The following ROS1 variants were observed in gnomAD, a reference collection of about 807,000 sequenced individuals.
ROS1 encodes the protein ROS proto-oncogene 1, receptor tyrosine kinase, also known as proto-oncogene tyrosine-protein kinase ROS.
Under a neutral mutation model 273.5 loss-of-function variants are expected in ROS1, and 263 were observed. That is an observed-to-expected ratio of 0.96 (90% CI 0.87 to 1.06). The LOEUF is 1.06. Ranked by LOEUF, ROS1 falls within the 50% of genes least tolerant of loss-of-function variation. The probability of loss-of-function intolerance (pLI) is 0.00; values close to 1 mark genes in which losing one functional copy is unlikely to be tolerated. For missense variants in ROS1, 2,833 were observed against 2,751.1 expected, an observed-to-expected ratio of 1.03 and a Z score of -0.67; for synonymous variants, 1,008 against 954.1, an observed-to-expected ratio of 1.06 and a Z score of -1.04.
chr6:117,298,081 C>T, intron 43 of ROS1, among the ~76,000 whole-genome samples: 1 of 152,066 alleles, frequency 6.6e-6, no homozygotes, highest in Admixed American at 6.5e-5. Flanking sequence ...ATGGATGAAA[C>T]TGGAGGCAAT....
intron 12 of ROS1, among the ~76,000 whole-genome samples, chr6:117,392,299 C>A (rs1177494631): frequency 6.6e-6 from 1 of 151,350 alleles, no homozygotes; most frequent in Non-Finnish European, 1.5e-5. Flanking sequence ...CTATAATGAA[C>A]AATCTTTTTT....
intron 18 of ROS1, among the ~76,000 whole-genome samples, chr6:117,377,017 T>G (rs1562335161): frequency 6.6e-6 from 1 of 152,184 alleles, no homozygotes; most frequent in Non-Finnish European, 1.5e-5. Context: ...TTTACAGTTA[T>G]CAAGACAATG....
intron 3 of ROS1, among the ~76,000 whole-genome samples, chr6:117,414,830 A>G (rs1465170189): frequency 1.3e-5 from 2 of 152,222 alleles, no homozygotes; most frequent in Non-Finnish European, 2.9e-5. Flanking sequence ...GGACCAAGTT[A>G]AGAGAGTGAA....
chr6:117,298,694 G>A (rs930429129), intron 43 of ROS1, among the ~76,000 whole-genome samples: 2 of 152,166 alleles, frequency 1.3e-5, no homozygotes, highest in Admixed American at 6.5e-5. Context: ...ACCAGTTAAA[G>A]CTAGTTTACT....
At chr6:117,297,147 G>T (rs1774306704) in intron 43 of ROS1, among the ~76,000 whole-genome samples, 1 of 152,144 alleles carries the variant, frequency 6.6e-6, no homozygotes, top group Admixed American at 6.5e-5. Flanking sequence ...AATAAATGGT[G>T]CTGGGGAAAT....
chr6:117,398,540 A>T lies in ROS1; in HGVS notation c.605-1424T>A, dbSNP rs532545272. ...CTAAAATTACAAAAATTAGCCAGGC[A>T]TGGTGGCGCATGCCTGTAATCCCAG... is the stretch of plus-strand genomic sequence containing the variant. On this transcript the variant is annotated intron_variant, in intron 7 of 43. Transcript: ENST00000368507. 2.0e-5 allele frequency among the ~76,000 whole-genome samples: 3 copies of T among 152,240 alleles called. No homozygotes were observed. In the East Asian group the frequency reaches 5.8e-4, roughly 29 times the overall value.
At chr6:117,322,181 T>C (rs975197855) in intron 35 of ROS1, among the ~76,000 whole-genome samples, 2 of 152,136 alleles carry the variant, frequency 1.3e-5, no homozygotes, top group African/African-American at 4.8e-5. Flanking sequence ...AGTTAGAGTT[T>C]TATTCACATG....
intron 27 of ROS1, 49 bp downstream of exon 27, chr6:117,352,941 C>G (rs762647177): frequency 1.3e-6 from 2 of 1,554,388 alleles, no homozygotes; most frequent in Non-Finnish European, 1.8e-6. Context: ...TGAGATTTTT[C>G]TGACCCTAAA....
chr6:117,317,277 A>G lies in ROS1; in HGVS notation c.5988-5T>C, dbSNP rs763188233. On this transcript the variant is annotated splice_region_variant and splice_polypyrimidine_tract_variant and intron_variant, in intron 38 of 43. Transcript: ENST00000368507. ...ATGTTGGGATGATTAAATTTGCTGA[A>G]AGGTGGAAAGACACAGGCTGGATGA... 1.2e-6 allele frequency: 2 copies of G among 1,610,522 alleles called. No individual in the cohort carries two copies. Among genetic ancestry groups the G allele is most frequent in the Admixed American group, 3.4e-5 (2 of 59,508 alleles).
chr6:117,331,403 G>A (rs373555990), intron 32 of ROS1, among the ~76,000 whole-genome samples: 14 of 152,136 alleles, frequency 9.2e-5, no homozygotes, highest in South Asian at 2.1e-4. Context: ...ATGGAAACAC[G>A]TGGGAAAACA....
In ROS1 at chr6:117,366,290, G is replaced by A; in HGVS notation, c.2583C>T (p.Ser861=). Reference sequence around the variant, plus strand: ...ATTCTGTGATGGTGGTATCCCCAGTGCTGCTAAAACATAACACCAATTAGT... The same window carrying A: ...ATTCTGTGATGGTGGTATCCCCAGTACTGCTAAAACATAACACCAATTAGT... ...HLYTAVLRGQ[S]TGDTTITEFA... Residue 861 remains serine, a splice_region_variant and synonymous_variant, in exon 19 of 44, where the codon AGC becomes AGT. Coordinates refer to ENST00000368507, the MANE Select transcript of ROS1 (RefSeq NM_001378902.1). 6.2e-7 allele frequency: 1 copy of A among 1,612,816 alleles called. No homozygotes were observed. Among genetic ancestry groups the A allele is most frequent in the Non-Finnish European group, 8.5e-7 (1 of 1,178,948 alleles).
chr6:117,304,032 G>C (rs1774927385), intron 42 of ROS1, among the ~76,000 whole-genome samples: 4 of 152,082 alleles, frequency 2.6e-5, no homozygotes. Flanking sequence ...ATGGTATCAA[G>C]GAAAACCAAT....
At chr6:117,349,160 T>A (rs1251424098) in intron 27 of ROS1, among the ~76,000 whole-genome samples, 1 of 151,976 alleles carries the variant, frequency 6.6e-6, no homozygotes, top group Non-Finnish European at 1.5e-5. Context: ...GATTTGCCCA[T>A]TTCTGATAGA....
chr6:117,425,750 T>A lies in ROS1; in HGVS notation c.-94A>T. ...GGCTTCATCACTTCAATTGGAGGAG[T>A]AGCTGATGGATTTTGCTTTGTTTGT... On this transcript the variant is annotated 5_prime_UTR_variant, in exon 1 of 44. Transcript: ENST00000368507. 1 of 1,352,708 alleles carries A rather than the reference T, an allele frequency of 7.4e-7. No homozygotes were observed. The highest frequency in any genetic ancestry group is 1.0e-6 in the Non-Finnish European group (1 of 968,482). 83.8% of individuals were successfully genotyped at this position (1,352,708 alleles called of 1,614,324 possible). A position where few individuals can be genotyped will look rare whatever the true frequency, so the allele number is the denominator to read the frequency against.
intron 26 of ROS1, among the ~76,000 whole-genome samples, chr6:117,355,469 C>A (rs1779234781): frequency 6.6e-6 from 1 of 152,174 alleles, no homozygotes; most frequent in Non-Finnish European, 1.5e-5. Context: ...TATAATCCAG[C>A]AGTGACCAAT....
intron 39 of ROS1, among the ~76,000 whole-genome samples, chr6:117,314,605 A>C (rs190413613): frequency 4.6e-4 from 70 of 152,328 alleles, no homozygotes; most frequent in Non-Finnish European, 9.6e-4. Context: ...CTCCAAGTTC[A>C]GAGATACTAC....
intron 27 of ROS1, among the ~76,000 whole-genome samples, chr6:117,349,218 G>A (rs1778610642): frequency 6.6e-6 from 1 of 151,836 alleles, no homozygotes; most frequent in African/African-American, 2.4e-5. Context: ...GTTTCTTGCA[G>A]TTCTATCAGT....
chr6:117,311,018 AC>A lies in ROS1; in HGVS notation c.6215+1del, dbSNP rs866075758. Reference sequence around the variant, plus strand: ...AACCCTGTATCCAGAAGAGAATTGTACCTGTGAATGAAATGCATCCGTTCCA... The same window carrying A: ...AACCCTGTATCCAGAAGAGAATTGTACTGTGAATGAAATGCATCCGTTCCA... On this transcript the variant is annotated splice_donor_variant, in intron 40 of 43. Coordinates refer to ENST00000368507, the MANE Select transcript of ROS1 (RefSeq NM_001378902.1). LOFTEE classifies it high-confidence loss of function. 9.4e-6 allele frequency: 15 copies of A among 1,588,120 alleles called. No homozygotes were observed. The highest frequency in any genetic ancestry group is 9.5e-6 in the Non-Finnish European group (11 of 1,158,856).
At chr6:117,412,881 G>A (rs1479533250) in intron 4 of ROS1, among the ~76,000 whole-genome samples, 2 of 152,080 alleles carry the variant, frequency 1.3e-5, no homozygotes, top group East Asian at 3.9e-4. Flanking sequence ...TCCTGACACT[G>A]GTACATTTAT....
Sources: allele counts gnomAD v4.1 joint callset (sites outside exome capture counted in the v4.1 genomes callset), GRCh38; gene constraint gnomAD v4.1.1; transcripts MANE v1.5; gene names NCBI Gene and HGNC (gene_info 2026-07-23, HGNC 2026-07-21).